Variants in MCTP1 observed in about 807,000 individuals in gnomAD.
The protein encoded by MCTP1 is multiple C2 and transmembrane domain containing 1.
MCTP1 carries 69 observed loss-of-function variants against 120.6 expected under a neutral mutation model. That is an observed-to-expected ratio of 0.57 (90% confidence interval 0.47 to 0.70). The LOEUF (loss-of-function observed/expected upper bound fraction) is 0.70, where lower values mean the gene tolerates loss of function less well. Ranked by LOEUF, MCTP1 falls within the 30% of genes least tolerant of loss-of-function variation. The probability of loss-of-function intolerance (pLI) is 0.00; values close to 1 mark genes in which losing one functional copy is unlikely to be tolerated. For synonymous variants in MCTP1, 529 were observed against 493.1 expected (o/e 1.07, Z -0.96); for missense variants, 1,203 against 1,248.8 (o/e 0.96, Z 0.55).
rs111905185 is a variant in MCTP1, at chr5:94,786,263, T to C, written c.2557-7100A>G. ...ACACTAATTTGAGTTTTCTTTTTCT[T>C]TTCTTTTCCATCTAGAACATTTTGA... On this transcript the variant is annotated intron_variant, in intron 18 of 22. Coordinates refer to ENST00000515393, the MANE Select transcript of MCTP1 (RefSeq NM_024717.7). 8.8e-3 allele frequency among the ~76,000 whole-genome samples: 1,339 copies of C among 152,270 alleles called. 9 individuals are homozygous for C. The highest frequency in any genetic ancestry group is 0.034 in the Middle Eastern group (10 of 294).
At chr5:95,016,902 A>C (rs1581858208) in intron 2 of MCTP1, among the ~76,000 whole-genome samples, 1 of 152,098 alleles carries the variant, frequency 6.6e-6, no homozygotes, top group Admixed American at 6.6e-5. Context: ...CTACTGCCAG[A>C]TCTGACCAGG....
intron 19 of MCTP1, among the ~76,000 whole-genome samples, chr5:94,771,654 T>C (rs140135269): frequency 9.8e-5 from 15 of 152,352 alleles, no homozygotes; most frequent in African/African-American, 2.9e-4. Context: ...TGTGTAGCTG[T>C]ATTTATATAG....
At chr5:94,754,935 T>C (rs1421323874) in intron 19 of MCTP1, among the ~76,000 whole-genome samples, 1 of 152,168 alleles carries the variant, frequency 6.6e-6, no homozygotes, top group East Asian at 1.9e-4. Context: ...TTCTGTATTA[T>C]CCTGTTTTTA....
intron 19 of MCTP1, among the ~76,000 whole-genome samples, chr5:94,734,751 A>G (rs1193143281): frequency 3.9e-5 from 6 of 152,190 alleles, no homozygotes; most frequent in Admixed American, 3.9e-4. Flanking sequence ...GTGAGGCATC[A>G]TGCCTAGTCT....
intron 1 of MCTP1, among the ~76,000 whole-genome samples, chr5:95,061,375 A>T (rs1356324404): frequency 4.3e-5 from 5 of 116,994 alleles, no homozygotes; most frequent in African/African-American, 1.4e-4. Flanking sequence ...TTTTCAATGT[A>T]CTTTCATATC....
intron 19 of MCTP1, among the ~76,000 whole-genome samples, chr5:94,774,487 A>C (rs1392418820): frequency 6.6e-6 from 1 of 152,154 alleles, no homozygotes; most frequent in African/African-American, 2.4e-5. Context: ...GCAAGAAAAC[A>C]AGGACCTCAG....
At chr5:95,282,281 TA>T (rs1760386822) in intron 1 of MCTP1, among the ~76,000 whole-genome samples, 1 of 152,234 alleles carries the variant, frequency 6.6e-6, no homozygotes, top group African/African-American at 2.4e-5. Flanking sequence ...AATTCAGAGT[TA>T]TCTATTTTTG....
chr5:94,722,083 A>G (rs1224529591), intron 19 of MCTP1, among the ~76,000 whole-genome samples: 1 of 152,200 alleles, frequency 6.6e-6, no homozygotes, highest in African/African-American at 2.4e-5. Context: ...CTACTTTACT[A>G]TGACATATTG....
intron 1 of MCTP1, among the ~76,000 whole-genome samples, chr5:95,071,551 A>T (rs1327440097): frequency 6.6e-6 from 1 of 151,108 alleles, no homozygotes; most frequent in Non-Finnish European, 1.5e-5. Flanking sequence ...AGTATAGCTT[A>T]TAATTTGATA....
chr5:94,919,723 T>C (rs1811060549), intron 7 of MCTP1, among the ~76,000 whole-genome samples: 1 of 152,182 alleles, frequency 6.6e-6, no homozygotes, highest in South Asian at 2.1e-4. Context: ...GTGGAGCAAT[T>C]AGCTCAATCC....
intron 19 of MCTP1, among the ~76,000 whole-genome samples, chr5:94,739,703 C>T (rs894161713): frequency 6.6e-6 from 1 of 152,180 alleles, no homozygotes; most frequent in Non-Finnish European, 1.5e-5. Context: ...CTTACTCTGT[C>T]GCCCAGCCTG....
At chr5:95,187,952 G>A (rs538301999) in intron 1 of MCTP1, among the ~76,000 whole-genome samples, 2 of 152,186 alleles carry the variant, frequency 1.3e-5, no homozygotes, top group East Asian at 3.9e-4. Flanking sequence ...ATTACACATT[G>A]CATGCCTGTA....
intron 2 of MCTP1, among the ~76,000 whole-genome samples, chr5:94,954,172 A>ACATATATGCATATATATACATG (rs1821875962): frequency 2.6e-5 from 1 of 38,980 alleles, no homozygotes; most frequent in South Asian, 6.9e-4. Flanking sequence ...ATATATACAT[A>ACATATATGCATATATATACATG]TATATATATG....
chr5:94,727,986 T>C (rs1022718899), intron 19 of MCTP1, among the ~76,000 whole-genome samples: 4 of 152,214 alleles, frequency 2.6e-5, no homozygotes, highest in Admixed American at 6.5e-5. Context: ...ATTGATGCCA[T>C]ATGTAGCACA....
intron 1 of MCTP1, among the ~76,000 whole-genome samples, chr5:95,109,239 TGCAGGAGGATGCACCATTTAA>T (rs1267118147): frequency 6.6e-6 from 1 of 152,170 alleles, no homozygotes; most frequent in East Asian, 1.9e-4. Flanking sequence ...TATTTCCCAT[TGCAGGAGGATGCACCATTTAA>T]GCAAAAGCAA....
intron 17 of MCTP1, among the ~76,000 whole-genome samples, chr5:94,824,347 T>G (rs146547925): frequency 1.8e-3 from 275 of 152,332 alleles, no homozygotes; most frequent in Non-Finnish European, 3.4e-3. Flanking sequence ...GGATTACGTT[T>G]ATTGATCTGC....
intron 17 of MCTP1, among the ~76,000 whole-genome samples, chr5:94,810,323 A>G (rs771303573): frequency 6.6e-5 from 10 of 152,170 alleles, no homozygotes; most frequent in Non-Finnish European, 1.2e-4. Flanking sequence ...TATAAATGCT[A>G]TATCTAGACA....
chr5:95,137,119 G>A (rs999725880), intron 1 of MCTP1, among the ~76,000 whole-genome samples: 3 of 152,152 alleles, frequency 2.0e-5, no homozygotes, highest in Non-Finnish European at 2.9e-5. Flanking sequence ...TACCTTCAGC[G>A]ATGTTATAAG....
intron 1 of MCTP1, among the ~76,000 whole-genome samples, chr5:95,242,800 A>G (rs1177650815): frequency 1.3e-5 from 2 of 152,186 alleles, no homozygotes; most frequent in African/African-American, 4.8e-5. Flanking sequence ...AGCCATCAAA[A>G]TGTTTGTTAT....
Sources: gnomAD v4.1 joint callset for allele counts (sites outside exome capture counted in the v4.1 genomes callset) on GRCh38, gnomAD v4.1.1 for gene constraint, MANE v1.5 for transcripts, NCBI Gene and HGNC (gene_info 2026-07-23, HGNC 2026-07-21) for gene names.